HIVEP2: variants seen among roughly 807,000 people sequenced by gnomAD.
HIVEP2 encodes the protein HIVEP zinc finger 2, also known as transcription factor HIVEP2.
Under a neutral mutation model 180.7 loss-of-function variants are expected in HIVEP2, and 14 were observed. That is an observed-to-expected ratio of 0.08 (90% CI 0.05 to 0.12). The LOEUF (loss-of-function observed/expected upper bound fraction) is 0.12, where lower values mean the gene tolerates loss of function less well. Among genes scored for constraint, HIVEP2 ranks in the 10% least tolerant of loss-of-function variants. HIVEP2 has a pLI of 1.00. For missense variants in HIVEP2, 2,579 were observed against 3,008.5 expected (o/e 0.86, Z 3.34); for synonymous variants, 1,184 against 1,136.4 (o/e 1.04, Z -0.84).
intron 1 of HIVEP2, among the ~76,000 whole-genome samples, chr6:142,918,160 A>C (rs2128433139): frequency 6.6e-6 from 1 of 150,758 alleles, no homozygotes; most frequent in South Asian, 2.1e-4. Context: ...TTTTCCTTAA[A>C]CCCTTTCCTC....
chr6:142,845,802 T>G (rs1775498184), intron 1 of HIVEP2, among the ~76,000 whole-genome samples: 1 of 152,210 alleles, frequency 6.6e-6, no homozygotes, highest in African/African-American at 2.4e-5. Flanking sequence ...GACAGCGCCC[T>G]GGCAGAGCTG....
chr6:142,916,309 A>G (rs2128432386), intron 1 of HIVEP2, among the ~76,000 whole-genome samples: 1 of 152,320 alleles, frequency 6.6e-6, no homozygotes. Context: ...TTTCATCCCC[A>G]TGTCTGAACA....
chr6:142,829,836 G>C (rs1172271394), intron 2 of HIVEP2, among the ~76,000 whole-genome samples: 1 of 152,206 alleles, frequency 6.6e-6, no homozygotes, highest in African/African-American at 2.4e-5. Flanking sequence ...ATCAAGCTCT[G>C]CTACAGCCAA....
intron 2 of HIVEP2, among the ~76,000 whole-genome samples, chr6:142,810,958 G>A (rs982775503): frequency 2.0e-5 from 3 of 152,112 alleles, no homozygotes; most frequent in South Asian, 2.1e-4. Flanking sequence ...GTCAATAAGA[G>A]CACTACACAT....
chr6:142,842,609 T>A (rs946774517), intron 1 of HIVEP2, among the ~76,000 whole-genome samples: 10 of 152,220 alleles, frequency 6.6e-5, no homozygotes, highest in Admixed American at 1.3e-4. Flanking sequence ...TTCTCCACTT[T>A]CCTGAAGAAC....
chr6:142,801,192 A>C (rs1444669344), intron 2 of HIVEP2, among the ~76,000 whole-genome samples: 1 of 22,124 alleles, frequency 4.5e-5, no homozygotes, highest in East Asian at 1.0e-3. Context: ...GGCCAGTGTC[A>C]AAAAAAAAAA....
At position 142,754,098 on chromosome 6, in the gene HIVEP2, C is replaced by A. The variant is rs539982302; in HGVS notation, c.6517-167G>T. Among the ~76,000 whole-genome samples the A allele has an allele frequency of 2.6e-4, 40 of 152,254 alleles. No individual in the cohort carries two copies. In the South Asian group the frequency reaches 8.1e-3, roughly 31 times the overall value. ...TCCTATTTCAAGACAAAAGAGATTT[C>A]TCTGTTCTCTTTTATAATCCTTGAA... On this transcript the variant is annotated intron_variant, in intron 9 of 9. Coordinates refer to ENST00000367603, the MANE Select transcript of HIVEP2 (RefSeq NM_006734.4).
At chr6:142,831,631 A>G (rs1236972410) in intron 2 of HIVEP2, among the ~76,000 whole-genome samples, 1 of 152,166 alleles carries the variant, frequency 6.6e-6, no homozygotes, top group Admixed American at 6.5e-5. Flanking sequence ...GAGGTCAATT[A>G]TTTTTGTTGC....
At chr6:142,857,950 T>C in intron 1 of HIVEP2, among the ~76,000 whole-genome samples, 1 of 152,134 alleles carries the variant, frequency 6.6e-6, no homozygotes, top group East Asian at 1.9e-4. Context: ...CCCAGGCAGC[T>C]GTCCCCCACC....
chr6:142,781,007 A>G (rs903695696), intron 3 of HIVEP2, among the ~76,000 whole-genome samples: 16 of 152,248 alleles, frequency 1.1e-4, no homozygotes, highest in Admixed American at 1.0e-3. Flanking sequence ...TGAATCATTA[A>G]GTCAGGAAAA....
intron 2 of HIVEP2, among the ~76,000 whole-genome samples, chr6:142,802,655 T>G (rs1470649530): frequency 6.6e-6 from 1 of 151,998 alleles, no homozygotes; most frequent in East Asian, 1.9e-4. Flanking sequence ...AAAATGACAT[T>G]GCTAAAAGAA....
chr6:142,774,515 A>T lies in HIVEP2; in HGVS notation c.224T>A (p.Val75Glu). 2 of 1,614,104 alleles carry T rather than the reference A, an allele frequency of 1.2e-6. No individual in the cohort carries two copies. Among genetic ancestry groups the T allele is most frequent in the Non-Finnish European group, 1.7e-6 (2 of 1,180,024 alleles). ...GSGKLASPSE[V>E]VQQVAEKQYP... ...TTGCTTCTCTGCGACTTGCTGCACC[A>T]CTTCACTAGGGGAGGCCAGTTTCCC... Residue 75 changes from valine to glutamate, a missense_variant, in exon 5 of 10, where the codon GTG becomes GAG. Coordinates refer to ENST00000367603, the MANE Select transcript of HIVEP2 (RefSeq NM_006734.4). The surrounding 1 kb of genome is among the most constrained non-coding windows in gnomAD (Gnocchi z 5.1).
intron 2 of HIVEP2, among the ~76,000 whole-genome samples, chr6:142,784,550 GT>G (rs2114698786): frequency 6.6e-6 from 1 of 152,258 alleles, no homozygotes; most frequent in South Asian, 2.1e-4. Context: ...GGCCCACTCG[GT>G]TCCTCAAAAG....
rs112042233 is a variant in HIVEP2, at chr6:142,927,166, C to G, written c.-641+17933G>C. The stretch of plus-strand genomic sequence containing the variant: ...CCCGGAGGAAACCGAGCTCGCAAGC[C>G]CAGCGCTCCCAGCCGCAGACTGCAG... On this transcript the variant is annotated intron_variant, in intron 1 of 9. Coordinates refer to ENST00000367603, the MANE Select transcript of HIVEP2 (RefSeq NM_006734.4). Among the ~76,000 whole-genome samples the G allele has an allele frequency of 0.011, 1,733 of 152,214 alleles. 79 individuals carry two copies. The East Asian group carries it at 0.17, about 15-fold the overall frequency.
rs369523957 is a variant in HIVEP2, at chr6:142,809,046, CAGA to C, written c.-527-25434_-527-25432del. The stretch of plus-strand genomic sequence containing the variant: ...ACAAATCCGAGTACAAGGTCTTTCA[CAGA>C]ATACGTGCTTAAGATATCACAGTAT... On this transcript the variant is annotated intron_variant, in intron 2 of 9. Coordinates refer to ENST00000367603, the MANE Select transcript of HIVEP2 (RefSeq NM_006734.4). Among the ~76,000 whole-genome samples, 625 of 152,162 alleles carry C rather than the reference CAGA, an allele frequency of 4.1e-3. 5 individuals are homozygous for C. Among genetic ancestry groups the C allele is most frequent in the African/African-American group, 0.015 (604 of 41,506 alleles).
chr6:142,893,861 T>C (rs1020823848), intron 1 of HIVEP2, among the ~76,000 whole-genome samples: 2 of 152,194 alleles, frequency 1.3e-5, no homozygotes, highest in East Asian at 1.9e-4. Context: ...TAAAGTTCTC[T>C]GTAAACCTAT....
intron 2 of HIVEP2, among the ~76,000 whole-genome samples, chr6:142,822,682 A>G (rs1434798182): frequency 6.6e-6 from 1 of 152,226 alleles, no homozygotes; most frequent in Non-Finnish European, 1.5e-5. Flanking sequence ...TTATAATTCC[A>G]TTATCTCAGA....
At chr6:142,855,058 C>T (rs1775782836) in intron 1 of HIVEP2, among the ~76,000 whole-genome samples, 1 of 152,188 alleles carries the variant, frequency 6.6e-6, no homozygotes, top group South Asian at 2.1e-4. Flanking sequence ...CACCACCATG[C>T]TGGTTTTCTT....
intron 3 of HIVEP2, among the ~76,000 whole-genome samples, chr6:142,781,650 C>T (rs777765628): frequency 4.1e-4 from 62 of 152,236 alleles, no homozygotes; most frequent in Non-Finnish European, 7.8e-4. Flanking sequence ...ACTAAAGGAA[C>T]TGAAGCGAAA....
Sources: gnomAD v4.1 joint callset for allele counts (sites outside exome capture counted in the v4.1 genomes callset) on GRCh38, gnomAD v4.1.1 for gene constraint, Gnocchi (gnomAD v3.1) non-coding constraint, MANE v1.5 for transcripts, NCBI Gene and HGNC (gene_info 2026-07-23, HGNC 2026-07-21) for gene names.